The following CAMSAP2 variants were observed in gnomAD, a reference collection of about 807,000 sequenced individuals.
CAMSAP2 encodes the protein calmodulin-regulated spectrin-associated protein 2.
A neutral mutation model predicts 146.1 loss-of-function variants in CAMSAP2; 26 were observed. The observed-to-expected ratio is 0.18, with a 90% CI of 0.13 to 0.25. The LOEUF is 0.25. Among genes scored for constraint, CAMSAP2 ranks in the 10% least tolerant of loss-of-function variants. The pLI is 1.00. For synonymous variants in CAMSAP2, 499 were observed against 596.6 expected (o/e 0.84, Z 2.38); for missense variants, 1,381 against 1,759.3 (o/e 0.78, Z 3.85).
At position 200,850,252 on chromosome 1, in the gene CAMSAP2, A is replaced by G. The variant is rs1368401292; in HGVS notation, c.3465+18A>G. 2.0e-6 allele frequency: 3 copies of G among 1,533,526 alleles called. No individual in the cohort carries two copies. Among genetic ancestry groups the G allele is most frequent in the African/African-American group, 2.8e-5 (2 of 72,060 alleles). 95.0% of individuals were successfully genotyped at this position (1,533,526 alleles called of 1,614,324 possible). On this transcript the variant is annotated intron_variant, in intron 11 of 16. Coordinates refer to ENST00000358823, the MANE Select transcript of CAMSAP2 (RefSeq NM_203459.4). ...TTTTTAAGGTGTAGTATTAATCTGC[A>G]TAGTTTTGGGCATCTTCATTAGATG...
intron 4 of CAMSAP2, among the ~76,000 whole-genome samples, chr1:200,817,501 ATGT>A (rs1409085231): frequency 6.6e-6 from 1 of 152,146 alleles, no homozygotes; most frequent in Non-Finnish European, 1.5e-5. Flanking sequence ...CCCTTTAAAC[ATGT>A]TGTATAGTAT....
At position 200,854,808 on chromosome 1, in the gene CAMSAP2, T is replaced by G; in HGVS notation, c.3824-9T>G. On this transcript the variant is annotated splice_polypyrimidine_tract_variant and intron_variant, in intron 13 of 16. Coordinates refer to ENST00000358823, the MANE Select transcript of CAMSAP2 (RefSeq NM_203459.4). The stretch of plus-strand genomic sequence containing the variant: ...TATTCAGGATCATGAATTTATCGTG[T>G]TTTTTCAGTCTCTAGCCTTTCTTTG... 6.2e-7 allele frequency: 1 copy of G among 1,604,494 alleles called. No individual in the cohort carries two copies. The highest frequency in any genetic ancestry group is 8.5e-7 in the Non-Finnish European group (1 of 1,176,114).
chr1:200,810,442 G>A (rs1666297583), intron 3 of CAMSAP2, among the ~76,000 whole-genome samples: 1 of 152,116 alleles, frequency 6.6e-6, no homozygotes, highest in African/African-American at 2.4e-5. Flanking sequence ...TGGGTATGGT[G>A]GCGGGTGCCT....
At chr1:200,801,219 G>A (rs866647027) in intron 2 of CAMSAP2, among the ~76,000 whole-genome samples, 3 of 151,504 alleles carry the variant, frequency 2.0e-5, no homozygotes, top group South Asian at 2.1e-4. Flanking sequence ...AGCTGAGATC[G>A]CGCCACTGCA....
rs150513784 is a variant in CAMSAP2, at chr1:200,810,716, C to T, written c.561+3179C>T. On this transcript the variant is annotated intron_variant, in intron 3 of 16. Coordinates refer to ENST00000358823, the MANE Select transcript of CAMSAP2 (RefSeq NM_203459.4). ...CCAGCCTGACCAACATGGCGAAACC[C>T]TGTCTCTACTAAAAATACAGAAATT... Among the ~76,000 whole-genome samples, 848 of 151,350 alleles carry T rather than the reference C, an allele frequency of 5.6e-3. 11 individuals are homozygous for T. Among genetic ancestry groups the T allele is most frequent in the African/African-American group, 0.02 (815 of 41,228 alleles).
At chr1:200,835,476 G>A (rs1330300984) in intron 6 of CAMSAP2, among the ~76,000 whole-genome samples, 1 of 152,158 alleles carries the variant, frequency 6.6e-6, no homozygotes, top group Admixed American at 6.5e-5. Flanking sequence ...ATCTCCATGT[G>A]CCAGACACTA....
chr1:200,839,891 T>C (rs1177571687), intron 6 of CAMSAP2, among the ~76,000 whole-genome samples: 3 of 152,166 alleles, frequency 2.0e-5, no homozygotes, highest in Non-Finnish European at 4.4e-5. Flanking sequence ...TTCTGAGAAG[T>C]CAAGCAGGGA....
At position 200,855,316 on chromosome 1, in the gene CAMSAP2, C is replaced by T. The variant is rs183592736; in HGVS notation, c.3896+427C>T. 3.2e-4 allele frequency among the ~76,000 whole-genome samples: 49 copies of T among 152,128 alleles called. No individual in the cohort carries two copies. The East Asian group carries it at 8.9e-3, about 28-fold the overall frequency. ...GTTGCCTATGACTTAGGAAGGATCT[C>T]TTTTGTATTTTCTTTCTCTAGGATT... On this transcript the variant is annotated intron_variant, in intron 14 of 16. Coordinates refer to ENST00000358823, the MANE Select transcript of CAMSAP2 (RefSeq NM_203459.4).
rs1268738348 is a variant in CAMSAP2, at chr1:200,816,750, GTA to G, written c.645+1112_645+1113del. ...TATATGTGTGTACACACACACGCGTGTATATATGTGTGTACACACACACGCGT... is the reference window on the plus strand; with the variant it reads ...TATATGTGTGTACACACACACGCGTGTATATGTGTGTACACACACACGCGT... On this transcript the variant is annotated intron_variant, in intron 4 of 16. Transcript: ENST00000358823. 1.0e-4 allele frequency among the ~76,000 whole-genome samples: 12 copies of G among 117,288 alleles called. 3 individuals are homozygous for G. The highest frequency in any genetic ancestry group is 5.5e-4 in the South Asian group (2 of 3,644). The allele number at this position is 117,288 out of a possible 152,430, so 76.9% of individuals were successfully genotyped here.
intron 4 of CAMSAP2, among the ~76,000 whole-genome samples, chr1:200,824,013 T>G (rs1666840396): frequency 6.6e-6 from 1 of 152,326 alleles, no homozygotes; most frequent in South Asian, 2.1e-4. Flanking sequence ...GAGAGCTTTT[T>G]GGGGTTGGCT....
At chr1:200,831,193 C>G (rs990124523) in intron 4 of CAMSAP2, among the ~76,000 whole-genome samples, 1 of 152,122 alleles carries the variant, frequency 6.6e-6, no homozygotes, top group Non-Finnish European at 1.5e-5. Flanking sequence ...TGTGTACATT[C>G]ACTAAATCTT....
chr1:200,751,295 A>G (rs1356049599), intron 1 of CAMSAP2, among the ~76,000 whole-genome samples: 1 of 151,598 alleles, frequency 6.6e-6, no homozygotes, highest in Non-Finnish European at 1.5e-5. Flanking sequence ...GAATATGTAA[A>G]GAGATATTGT....
At chr1:200,787,566 A>C (rs900780490) in intron 2 of CAMSAP2, among the ~76,000 whole-genome samples, 1 of 152,216 alleles carries the variant, frequency 6.6e-6, no homozygotes, top group Non-Finnish European at 1.5e-5. Context: ...TGATGGATCT[A>C]TTCCTGGTGG....
At chr1:200,794,275 C>T (rs1459783101) in intron 2 of CAMSAP2, among the ~76,000 whole-genome samples, 1 of 152,154 alleles carries the variant, frequency 6.6e-6, no homozygotes. Flanking sequence ...ACTGAGCAGA[C>T]CCACTTTATA....
intron 1 of CAMSAP2, among the ~76,000 whole-genome samples, chr1:200,760,613 T>A (rs1664774047): frequency 6.6e-6 from 1 of 152,240 alleles, no homozygotes; most frequent in African/African-American, 2.4e-5. Flanking sequence ...TTGTAGTCCC[T>A]TTTTGGAATA....
At chr1:200,836,319 C>A (rs551953246) in intron 6 of CAMSAP2, among the ~76,000 whole-genome samples, 1 of 152,102 alleles carries the variant, frequency 6.6e-6, no homozygotes, top group African/African-American at 2.4e-5. Flanking sequence ...CCTGTGTTTT[C>A]GTCACATAAG....
Position 200,860,207 on chromosome 1 carries a change from T to C in CAMSAP2, c.*2148T>C, listed in dbSNP as rs1316185196. The C allele has an allele frequency of 6.5e-6, 1 of 152,722 alleles. No individual in the cohort carries two copies. Among genetic ancestry groups the C allele is most frequent in the Non-Finnish European group, 1.5e-5 (1 of 67,998 alleles). The allele number at this position is 152,722 out of a possible 1,614,324, so 9.5% of individuals were successfully genotyped here. A position where few individuals can be genotyped will look rare whatever the true frequency, so the allele number is the denominator to read the frequency against. On this transcript the variant is annotated 3_prime_UTR_variant, in exon 17 of 17. Coordinates refer to ENST00000358823, the MANE Select transcript of CAMSAP2 (RefSeq NM_203459.4). ...ATATATTTCTTTAAGTCTGCAGATT[T>C]TTTTATTATGGTGCAGCTTTTTTTT...
chr1:200,799,858 T>C (rs1244038564), intron 2 of CAMSAP2, among the ~76,000 whole-genome samples: 1 of 152,218 alleles, frequency 6.6e-6, no homozygotes, highest in Non-Finnish European at 1.5e-5. Context: ...GTTCCAGAGA[T>C]TCTAGTACAT....
chr1:200,762,727 A>G (rs1213700091), intron 2 of CAMSAP2, among the ~76,000 whole-genome samples: 1 of 152,096 alleles, frequency 6.6e-6, no homozygotes, highest in African/African-American at 2.4e-5. Flanking sequence ...TGTTTTCTAC[A>G]TTTTTTTCCA....
Sources: gnomAD v4.1 joint callset for allele counts (sites outside exome capture counted in the v4.1 genomes callset) on GRCh38, gnomAD v4.1.1 for gene constraint, MANE v1.5 for transcripts, NCBI Gene and HGNC (gene_info 2026-07-23, HGNC 2026-07-21) for gene names.